The following GALNT17 variants were observed in gnomAD, a reference collection of about 807,000 sequenced individuals.
GALNT17 encodes the protein UDP-GalNAc:polypeptide N-acetylgalactosaminyltransferase-like 3.
GALNT17 carries 29 observed loss-of-function variants against 63.7 expected under a neutral mutation model. The ratio of observed to expected loss-of-function variants is 0.46; its 90% CI spans 0.34 to 0.62. The LOEUF is 0.62. GALNT17 is among the 20% of genes least tolerant of loss of function. GALNT17 has a pLI of 0.01. For missense variants in GALNT17, 603 were observed against 799.6 expected, an observed-to-expected ratio of 0.75 and a Z score of 2.97; for synonymous variants, 305 against 318.3, an observed-to-expected ratio of 0.96 and a Z score of 0.45.
At chr7:71,437,855 C>T (rs796170724) in intron 5 of GALNT17, among the ~76,000 whole-genome samples, 10 of 152,280 alleles carry the variant, frequency 6.6e-5, no homozygotes, top group African/African-American at 2.4e-4. Flanking sequence ...GCTGGGACTA[C>T]AGGTGCATGC....
intron 9 of GALNT17, among the ~76,000 whole-genome samples, chr7:71,707,092 T>C (rs1416947063): frequency 6.6e-6 from 1 of 152,218 alleles, no homozygotes; most frequent in Non-Finnish European, 1.5e-5. Context: ...ATAAAACATA[T>C]CTTGCAGAGT....
At chr7:71,284,017 A>C (rs1415886979) in intron 1 of GALNT17, 1 of 152,234 alleles carries the variant, frequency 6.6e-6, no homozygotes, top group Non-Finnish European at 1.5e-5. Context: ...GGGGACAAAT[A>C]AGGGAATAAA....
intron 1 of GALNT17, among the ~76,000 whole-genome samples, chr7:71,289,811 G>A (rs760027032): frequency 5.7e-4 from 86 of 152,158 alleles, no homozygotes; most frequent in Non-Finnish European, 9.6e-4. Flanking sequence ...AGGGGGAGGC[G>A]GAGGTTGTGG....
chr7:71,207,205 T>C (rs1359723392), intron 1 of GALNT17, among the ~76,000 whole-genome samples: 1 of 152,200 alleles, frequency 6.6e-6, no homozygotes, highest in Non-Finnish European at 1.5e-5. Context: ...AATTTTGCCA[T>C]TGATCAATTG....
intron 8 of GALNT17, 136 bp downstream of exon 8, chr7:71,670,245 T>A: frequency 6.7e-6 from 8 of 1,197,626 alleles, no homozygotes; most frequent in South Asian, 1.3e-5. Flanking sequence ...GATAGCAAGA[T>A]TCTCTCTAGC....
intron 2 of GALNT17, among the ~76,000 whole-genome samples, chr7:71,366,606 C>G (rs1189486991): frequency 6.6e-6 from 1 of 151,678 alleles, no homozygotes; most frequent in Admixed American, 6.6e-5. Flanking sequence ...AAGAAATCCT[C>G]TTCAAGCCCC....
intron 3 of GALNT17, among the ~76,000 whole-genome samples, chr7:71,413,114 C>G (rs143461783): frequency 1.2e-4 from 18 of 152,282 alleles, no homozygotes; most frequent in African/African-American, 4.3e-4. Context: ...AACTTTGATG[C>G]TCATGATACT....
chr7:71,431,209 C>CTTTT (rs1265130879), intron 5 of GALNT17, among the ~76,000 whole-genome samples: 66 of 115,022 alleles, frequency 5.7e-4, no homozygotes, highest in African/African-American at 1.6e-3. Context: ...CTTTTCTTTT[C>CTTTT]TTTTTTTTTT....
intron 1 of GALNT17, among the ~76,000 whole-genome samples, chr7:71,282,796 G>A (rs957356102): frequency 6.6e-6 from 1 of 152,054 alleles, no homozygotes; most frequent in African/African-American, 2.4e-5. Context: ...TAAAGCCTCA[G>A]AGAAGTTACC....
intron 5 of GALNT17, among the ~76,000 whole-genome samples, chr7:71,498,543 A>G (rs1267675994): frequency 6.6e-6 from 1 of 152,190 alleles, no homozygotes; most frequent in Non-Finnish European, 1.5e-5. Flanking sequence ...GTTTAGCGTC[A>G]TAGTTGGAGT....
chr7:71,265,218 C>G (rs1221236191), intron 1 of GALNT17, among the ~76,000 whole-genome samples: 1 of 146,544 alleles, frequency 6.8e-6, no homozygotes, highest in African/African-American at 2.5e-5. Flanking sequence ...CCTCCGCCTC[C>G]TGGGTTCAAG....
At chr7:71,303,872 C>T (rs1791243020) in intron 1 of GALNT17, among the ~76,000 whole-genome samples, 1 of 151,658 alleles carries the variant, frequency 6.6e-6, no homozygotes, top group Non-Finnish European at 1.5e-5. Context: ...CTGCAGGATC[C>T]AAATAATAGC....
In GALNT17 at chr7:71,132,709, T is replaced by C; in HGVS notation, c.-94T>C. The C allele has an allele frequency of 9.5e-7, 1 of 1,054,824 alleles. No homozygotes were observed. The highest frequency in any genetic ancestry group is 1.7e-5 in the South Asian group (1 of 58,894). 65.3% of individuals were successfully genotyped at this position (1,054,824 alleles called of 1,614,324 possible). On this transcript the variant is annotated 5_prime_UTR_variant, in exon 1 of 11. Transcript: ENST00000333538. ...GGGGCTTGGATCCCTGCCGGCCGTC[T>C]GGTGTGTGAGGCTTGCACGGCCCCT...
intron 5 of GALNT17, among the ~76,000 whole-genome samples, chr7:71,508,953 C>T (rs892504991): frequency 6.6e-6 from 1 of 152,114 alleles, no homozygotes; most frequent in Non-Finnish European, 1.5e-5. Flanking sequence ...TGTGCATGCC[C>T]GTTCCCGTGT....
chr7:71,453,645 G>C (rs1212957840), intron 5 of GALNT17, among the ~76,000 whole-genome samples: 1 of 152,156 alleles, frequency 6.6e-6, no homozygotes, highest in Non-Finnish European at 1.5e-5. Flanking sequence ...ACACAGCCAA[G>C]CCATATCAAC....
intron 1 of GALNT17, among the ~76,000 whole-genome samples, chr7:71,205,128 T>C (rs1056715926): frequency 4.7e-5 from 7 of 150,426 alleles, no homozygotes; most frequent in Admixed American, 4.0e-4. Context: ...GAATTTTATT[T>C]TATTTTTTAT....
intron 5 of GALNT17, among the ~76,000 whole-genome samples, chr7:71,537,189 T>C (rs1462083868): frequency 6.6e-6 from 1 of 152,226 alleles, no homozygotes; most frequent in Non-Finnish European, 1.5e-5. Context: ...TTTTGTTTCA[T>C]TTTGCATTGT....
intron 3 of GALNT17, among the ~76,000 whole-genome samples, chr7:71,395,618 G>A (rs2116367913): frequency 6.6e-6 from 1 of 152,272 alleles, no homozygotes; most frequent in Admixed American, 6.5e-5. Context: ...TAGAATTGCT[G>A]GGTTATGTGA....
rs59124269 is a variant in GALNT17 at position 71,699,171 on chromosome 7, CAAAAAA to C, written c.1501-11570_1501-11565del. ...TAGGCAACAGAGCAAGACTCCATCT[CAAAAAA>C]AAAAAAAAAAAAAAAAAAATGACCA... On this transcript the variant is annotated intron_variant, in intron 9 of 10. Transcript: ENST00000333538. Among the ~76,000 whole-genome samples, 10 of 77,324 alleles carry C rather than the reference CAAAAAA, an allele frequency of 1.3e-4. No individual in the cohort carries two copies. The South Asian group carries it at 3.7e-3, about 28-fold the overall frequency. The allele number at this position is 77,324 out of a possible 152,430, so 50.7% of individuals were successfully genotyped here.
Sources: allele counts gnomAD v4.1 joint callset (sites outside exome capture counted in the v4.1 genomes callset), GRCh38; gene constraint gnomAD v4.1.1; transcripts MANE v1.5; gene names NCBI Gene and HGNC (gene_info 2026-07-23, HGNC 2026-07-21).